The following MAGI2 variants were observed in gnomAD, a reference collection of about 807,000 sequenced individuals.
The protein encoded by MAGI2 is membrane associated guanylate kinase, WW and PDZ domain containing 2.
A neutral mutation model predicts 133.3 loss-of-function variants in MAGI2; 35 were observed. That is an observed-to-expected ratio of 0.26 (90% CI 0.20 to 0.35). The LOEUF is 0.35. Among genes scored for constraint, MAGI2 ranks in the 10% least tolerant of loss-of-function variants. The pLI is 1.00. For synonymous variants in MAGI2, 729 were observed against 710.6 expected, an observed-to-expected ratio of 1.03 and a Z score of -0.41; for missense variants, 1,636 against 1,863.4, an observed-to-expected ratio of 0.88 and a Z score of 2.25.
chr7:79,059,326 C>T (rs1355988708), intron 1 of MAGI2, among the ~76,000 whole-genome samples: 1 of 152,010 alleles, frequency 6.6e-6, no homozygotes, highest in African/African-American at 2.4e-5. Context: ...TAGTGTCATC[C>T]ACAACCTCTG....
intron 10 of MAGI2, among the ~76,000 whole-genome samples, chr7:78,226,735 A>G (rs566945110): frequency 1.3e-5 from 2 of 152,320 alleles, no homozygotes; most frequent in South Asian, 4.1e-4. Context: ...GTGCGTGTGT[A>G]TGTATATATG....
chr7:78,886,450 CTGAT>C (rs1796278708), intron 2 of MAGI2, among the ~76,000 whole-genome samples: 1 of 152,164 alleles, frequency 6.6e-6, no homozygotes, highest in South Asian at 2.1e-4. Context: ...ATGTGATTGA[CTGAT>C]TGACTGACCA....
intron 2 of MAGI2, among the ~76,000 whole-genome samples, chr7:78,704,766 G>A (rs942091497): frequency 1.5e-5 from 1 of 68,272 alleles, no homozygotes; most frequent in African/African-American, 5.8e-5. Flanking sequence ...GAAGGAGCAG[G>A]AGGCCATTAT....
At chr7:79,110,824 G>T (rs1818866535) in intron 1 of MAGI2, among the ~76,000 whole-genome samples, 7 of 152,058 alleles carry the variant, frequency 4.6e-5, no homozygotes, top group Admixed American at 4.6e-4. Flanking sequence ...GAGGTATTTG[G>T]GTCATAGGGG....
intron 6 of MAGI2, among the ~76,000 whole-genome samples, chr7:78,457,153 C>G (rs1166857235): frequency 6.6e-6 from 1 of 152,282 alleles, no homozygotes; most frequent in Admixed American, 6.5e-5. Flanking sequence ...ACCTACTAGC[C>G]CTGCCCCGCT....
At chr7:79,155,033 A>C (rs965920320) in intron 1 of MAGI2, among the ~76,000 whole-genome samples, 1 of 152,174 alleles carries the variant, frequency 6.6e-6, no homozygotes, top group African/African-American at 2.4e-5. Flanking sequence ...TAATATGTTC[A>C]GGTCACAGTC....
At chr7:79,194,690 A>G (rs535137172) in intron 1 of MAGI2, among the ~76,000 whole-genome samples, 1 of 151,874 alleles carries the variant, frequency 6.6e-6, no homozygotes, top group Non-Finnish European at 1.5e-5. Flanking sequence ...GAGAAAATTG[A>G]CATCTAGCTT....
At position 78,501,798 on chromosome 7, in the gene MAGI2, A is replaced by G. The variant is rs1483239316; in HGVS notation, c.755-11T>C. 1 of 1,609,620 alleles carries G rather than the reference A, an allele frequency of 6.2e-7. No homozygotes were observed. The highest frequency in any genetic ancestry group is 8.5e-7 in the Non-Finnish European group (1 of 1,177,322). ...CATGTTCACTGGATTCTATAAGAGA[A>G]CAAGAGCACGTGGTTAGTCACTCCA... On this transcript the variant is annotated splice_polypyrimidine_tract_variant and intron_variant, in intron 4 of 21. Coordinates refer to ENST00000354212, the MANE Select transcript of MAGI2 (RefSeq NM_012301.4).
chr7:78,429,253 C>T (rs1364279849), intron 6 of MAGI2, among the ~76,000 whole-genome samples: 1 of 150,076 alleles, frequency 6.7e-6, no homozygotes, highest in Non-Finnish European at 1.5e-5. Context: ...TCAGAACTCC[C>T]ATCCCCTCCT....
intron 2 of MAGI2, among the ~76,000 whole-genome samples, chr7:78,662,156 A>G (rs2151044219): frequency 6.6e-6 from 1 of 152,312 alleles, no homozygotes; most frequent in Non-Finnish European, 1.5e-5. Context: ...TAGACAAAGT[A>G]GTCTTCCTTT....
chr7:78,412,494 T>C (rs891338346), intron 6 of MAGI2, among the ~76,000 whole-genome samples: 4 of 152,084 alleles, frequency 2.6e-5, no homozygotes, highest in South Asian at 2.1e-4. Flanking sequence ...GGAGTTTAGA[T>C]GTTAGAAAGG....
intron 1 of MAGI2, among the ~76,000 whole-genome samples, chr7:79,409,394 C>T (rs28690914): frequency 1.7e-4 from 26 of 151,842 alleles, no homozygotes; most frequent in African/African-American, 4.4e-4. Context: ...CGAGTAGCTG[C>T]GATTACAGAC....
At chr7:79,022,380 A>G (rs1809417709) in intron 1 of MAGI2, among the ~76,000 whole-genome samples, 1 of 152,142 alleles carries the variant, frequency 6.6e-6, no homozygotes, top group Non-Finnish European at 1.5e-5. Flanking sequence ...CAAAGCAGTG[A>G]TAAGAGGGGA....
intron 2 of MAGI2, among the ~76,000 whole-genome samples, chr7:78,853,332 C>CTTTTTT (rs60580466): frequency 0.014 from 341 of 25,074 alleles, 141 homozygotes; most frequent in Non-Finnish European, 0.017. Context: ...TCCATTCGTT[C>CTTTTTT]TTTTTTTTTT....
At chr7:79,420,016 C>T (rs550486451) in intron 1 of MAGI2, among the ~76,000 whole-genome samples, 1 of 152,158 alleles carries the variant, frequency 6.6e-6, no homozygotes, top group Non-Finnish European at 1.5e-5. Flanking sequence ...CATCAATGCA[C>T]AGTGGGATGT....
At chr7:79,335,680 G>C (rs1840388695) in intron 1 of MAGI2, among the ~76,000 whole-genome samples, 1 of 151,940 alleles carries the variant, frequency 6.6e-6, no homozygotes. Context: ...CAAAAGATGG[G>C]TAAATCTTTT....
intron 2 of MAGI2, among the ~76,000 whole-genome samples, chr7:78,826,957 C>CT (rs1790709730): frequency 1.3e-5 from 2 of 151,986 alleles, no homozygotes; most frequent in Non-Finnish European, 2.9e-5. Context: ...AAATGAGAGG[C>CT]TACAGACATG....
intron 7 of MAGI2, among the ~76,000 whole-genome samples, chr7:78,367,649 G>T (rs1172227062): frequency 1.3e-5 from 2 of 152,136 alleles, no homozygotes; most frequent in African/African-American, 2.4e-5. Context: ...CAATGATTCT[G>T]TGAGGAAATA....
At chr7:79,136,121 G>GAA (rs1364721827) in intron 1 of MAGI2, among the ~76,000 whole-genome samples, 8 of 147,042 alleles carry the variant, frequency 5.4e-5, no homozygotes, top group Admixed American at 6.9e-5. Flanking sequence ...AAGAAAGAAA[G>GAA]AAAGAAAGAC....
Sources: gnomAD v4.1 joint callset for allele counts (sites outside exome capture counted in the v4.1 genomes callset) on GRCh38, gnomAD v4.1.1 for gene constraint, MANE v1.5 for transcripts, NCBI Gene and HGNC (gene_info 2026-07-23, HGNC 2026-07-21) for gene names.